SLC12A6: variants seen among roughly 807,000 people sequenced by gnomAD.
SLC12A6 encodes K-Cl cotransporter 3.
SLC12A6 carries 66 observed loss-of-function variants against 135.3 expected under a neutral mutation model. That is an observed-to-expected ratio of 0.49 (90% CI 0.40 to 0.60). The LOEUF (loss-of-function observed/expected upper bound fraction) is 0.60. SLC12A6 is among the 20% of genes least tolerant of loss of function. The pLI, the probability that SLC12A6 is intolerant of heterozygous loss-of-function variation, is 0.00. For synonymous variants in SLC12A6, 513 were observed against 508.8 expected (o/e 1.01, Z -0.11); for missense variants, 1,058 against 1,452.3 (o/e 0.73, Z 4.41).
At chr15:34,255,648 A>T (rs1892699437) in intron 7 of SLC12A6, among the ~76,000 whole-genome samples, 1 of 152,124 alleles carries the variant, frequency 6.6e-6, no homozygotes, top group Non-Finnish European at 1.5e-5. Context: ...AAATTAGAGA[A>T]TATTTACTAT....
At chr15:34,256,309 T>C (rs1459840398) in intron 6 of SLC12A6, 26 bp from the exon 7 acceptor site, 2 of 1,522,374 alleles carry the variant, frequency 1.3e-6, no homozygotes, top group Non-Finnish European at 1.8e-6. Flanking sequence ...AAGGAGAGGA[T>C]TGTTACTGTG....
intron 2 of SLC12A6, among the ~76,000 whole-genome samples, chr15:34,335,604 C>T (rs188989489): frequency 6.6e-6 from 1 of 152,118 alleles, no homozygotes; most frequent in African/African-American, 2.4e-5. Context: ...TTATGATCTC[C>T]CCATTTTCTC....
At chr15:34,269,420 A>G (rs111930983) in intron 3 of SLC12A6, among the ~76,000 whole-genome samples, 1,820 of 152,224 alleles carry the variant, frequency 0.012, 15 homozygotes, top group Middle Eastern at 0.037. Flanking sequence ...CACTTATACT[A>G]TAATTTGGGC....
intron 13 of SLC12A6, among the ~76,000 whole-genome samples, chr15:34,247,987 G>A (rs1264407245): frequency 6.6e-6 from 1 of 152,144 alleles, no homozygotes; most frequent in Non-Finnish European, 1.5e-5. Context: ...TTACAGGCAT[G>A]AGCCACCATA....
chr15:34,289,552 T>G (rs1287193222), intron 2 of SLC12A6, among the ~76,000 whole-genome samples: 1 of 152,244 alleles, frequency 6.6e-6, no homozygotes, highest in Non-Finnish European at 1.5e-5. Flanking sequence ...TCAGAAGGAA[T>G]GGTATCAGCT....
At chr15:34,257,598 C>G (rs751334745) in intron 6 of SLC12A6, 44 bp downstream of exon 6, 11 of 1,557,576 alleles carry the variant, frequency 7.1e-6, no homozygotes, top group Middle Eastern at 1.7e-4. Context: ...CTCTTGAGAA[C>G]TTGCAACGTT....
chr15:34,298,646 T>C (rs16958954), intron 2 of SLC12A6, among the ~76,000 whole-genome samples: 18,202 of 152,042 alleles, frequency 0.12, 1,261 homozygotes, highest in East Asian at 0.32. Flanking sequence ...CAGGATTTAA[T>C]ATACCTAACA....
chr15:34,308,485 C>T (rs1375234488), intron 2 of SLC12A6, among the ~76,000 whole-genome samples: 2 of 151,932 alleles, frequency 1.3e-5, no homozygotes, highest in Non-Finnish European at 2.9e-5. Flanking sequence ...ATTAGCCGGG[C>T]ATGGTGGTGC....
chr15:34,335,896 G>A (rs1333579008), intron 2 of SLC12A6, among the ~76,000 whole-genome samples: 1 of 152,204 alleles, frequency 6.6e-6, no homozygotes, highest in Non-Finnish European at 1.5e-5. Context: ...TTAGCTACTT[G>A]TGTCAAGGTC....
At chr15:34,293,534 C>T (rs886958438) in intron 2 of SLC12A6, among the ~76,000 whole-genome samples, 4 of 152,242 alleles carry the variant, frequency 2.6e-5, no homozygotes, top group Middle Eastern at 3.2e-3. Context: ...GAAATCCCGA[C>T]CTCAGATGAC....
At chr15:34,298,475 A>AAAAT (rs147699591) in intron 2 of SLC12A6, among the ~76,000 whole-genome samples, 43,255 of 148,702 alleles carry the variant, frequency 0.29, 6,695 homozygotes, top group South Asian at 0.41. Context: ...ACTCTGTCTC[A>AAAAT]AAATAAATAA....
intron 2 of SLC12A6, among the ~76,000 whole-genome samples, chr15:34,315,325 C>T (rs1481745454): frequency 1.3e-5 from 2 of 152,208 alleles, no homozygotes; most frequent in African/African-American, 2.4e-5. Flanking sequence ...GCAGCCCACC[C>T]TGCAGCAGCC....
At chr15:34,317,546 T>C (rs1190029848) in intron 2 of SLC12A6, among the ~76,000 whole-genome samples, 1 of 151,978 alleles carries the variant, frequency 6.6e-6, no homozygotes, top group African/African-American at 2.4e-5. Context: ...CTACTAAAAA[T>C]ACAAAAATTA....
intron 4 of SLC12A6, 112 bp from the exon 5 acceptor site, chr15:34,259,056 T>C: frequency 1.1e-6 from 1 of 900,032 alleles, no homozygotes. Context: ...ATTTCACAGG[T>C]AGGCCGGGTG....
At chr15:34,245,966 T>A in intron 13 of SLC12A6, 99 bp from the exon 14 acceptor site, 1 of 895,000 alleles carries the variant, frequency 1.1e-6, no homozygotes, top group East Asian at 2.6e-5. Context: ...AGAATCTCAC[T>A]CTGTCACCCA....
At chr15:34,336,310 A>C in intron 2 of SLC12A6, 100 bp downstream of exon 2, 1 of 987,472 alleles carries the variant, frequency 1.0e-6, no homozygotes, top group Non-Finnish European at 1.6e-6. Context: ...TGACTATTAT[A>C]ATCATAATTA....
rs973802436 is a variant in SLC12A6 at position 34,252,342 on chromosome 15, A to G, written c.1161T>C (p.Ile387=). 8.1e-6 allele frequency: 13 copies of G among 1,613,182 alleles called. No individual in the cohort carries two copies. Among genetic ancestry groups the G allele is most frequent in the Admixed American group, 1.7e-5 (1 of 60,006 alleles). The change falls in exon 10 of 26, where the codon ATT becomes ATC. Residue 387 remains isoleucine, a synonymous_variant. Coordinates refer to ENST00000354181, the MANE Select transcript of SLC12A6 (RefSeq NM_001365088.1). ...LGNRTLSSRH[I]DVCSKTKEIN... Reference sequence around the variant, plus strand: ...TTTCCTTGGTCTTAGAGCAAACGTCAATGTGTCTTGATGAAAGGGTGCGGT... The same window carrying G: ...TTTCCTTGGTCTTAGAGCAAACGTCGATGTGTCTTGATGAAAGGGTGCGGT...
At chr15:34,279,851 T>C (rs907749271) in intron 2 of SLC12A6, among the ~76,000 whole-genome samples, 3 of 152,218 alleles carry the variant, frequency 2.0e-5, no homozygotes, top group Non-Finnish European at 4.4e-5. Context: ...ATATACCTAT[T>C]AAAAACAGAT....
rs373075073 is a variant in SLC12A6, at chr15:34,238,544, T to C, written c.2633-143A>G. 26 of 704,478 alleles carry C rather than the reference T, an allele frequency of 3.7e-5. No homozygotes were observed. The East Asian group carries it at 4.3e-4, about 12-fold the overall frequency. 43.6% of individuals were successfully genotyped at this position (704,478 alleles called of 1,614,324 possible). A position where few individuals can be genotyped will look rare whatever the true frequency, so the allele number is the denominator to read the frequency against. Reference sequence around the variant, plus strand: ...TTAGTAGGTTATTTCTCATTACGTATCAAAAACCATTGTGAAAAATCTGAA... The same window carrying C: ...TTAGTAGGTTATTTCTCATTACGTACCAAAAACCATTGTGAAAAATCTGAA... On this transcript the variant is annotated intron_variant, in intron 20 of 25. Transcript: ENST00000354181.
Sources: gnomAD v4.1 joint callset for allele counts (sites outside exome capture counted in the v4.1 genomes callset) on GRCh38, gnomAD v4.1.1 for gene constraint, MANE v1.5 for transcripts, NCBI Gene and HGNC (gene_info 2026-07-23, HGNC 2026-07-21) for gene names.